The following NRG3 variants were observed in gnomAD, a reference collection of about 807,000 sequenced individuals.
NRG3 encodes the protein neuregulin 3.
In NRG3, 31 loss-of-function variants were observed where a neutral mutation model predicts 66.9. The ratio of observed to expected loss-of-function variants is 0.46; its 90% CI spans 0.35 to 0.63. NRG3 has a LOEUF of 0.63. Ranked by LOEUF, NRG3 falls within the 20% of genes least tolerant of loss-of-function variation. The pLI is 0.00. For missense variants in NRG3, 910 were observed against 878.9 expected, an observed-to-expected ratio of 1.04 and a Z score of -0.45; for synonymous variants, 393 against 359.4, an observed-to-expected ratio of 1.09 and a Z score of -1.06.
chr10:82,637,960 G>A (rs2133787900), intron 2 of NRG3, among the ~76,000 whole-genome samples: 2 of 152,258 alleles, frequency 1.3e-5, no homozygotes, highest in Admixed American at 1.3e-4. Context: ...ACACACTAGA[G>A]TACTTAAGAG....
chr10:82,131,278 A>C (rs964139021), intron 1 of NRG3, among the ~76,000 whole-genome samples: 1 of 152,138 alleles, frequency 6.6e-6, no homozygotes, highest in Non-Finnish European at 1.5e-5. Context: ...CAGTTTTCCC[A>C]GCACTATTTA....
At chr10:82,137,340 A>G (rs1246826536) in intron 1 of NRG3, among the ~76,000 whole-genome samples, 1 of 152,192 alleles carries the variant, frequency 6.6e-6, no homozygotes, top group East Asian at 1.9e-4. Flanking sequence ...ATTCATGCTA[A>G]GCCGAAGTGC....
chr10:82,676,524 C>G (rs2053696294), intron 2 of NRG3, among the ~76,000 whole-genome samples: 1 of 151,986 alleles, frequency 6.6e-6, no homozygotes, highest in South Asian at 2.1e-4. Flanking sequence ...CACTCTGTCA[C>G]CCAGGCTGGA....
intron 1 of NRG3, among the ~76,000 whole-genome samples, chr10:82,164,333 G>C (rs947607612): frequency 2.0e-5 from 3 of 152,040 alleles, no homozygotes; most frequent in Admixed American, 2.0e-4. Flanking sequence ...TCATCACCTG[G>C]AGTATTTATC....
chr10:82,334,664 T>G (rs1201607823), intron 1 of NRG3, among the ~76,000 whole-genome samples: 2 of 152,210 alleles, frequency 1.3e-5, no homozygotes, highest in East Asian at 3.9e-4. Flanking sequence ...TGATACAGAC[T>G]TAATATGAGG....
chr10:82,336,991 GT>G (rs949955518), intron 1 of NRG3, among the ~76,000 whole-genome samples: 4 of 151,928 alleles, frequency 2.6e-5, no homozygotes, highest in Admixed American at 2.6e-4. Flanking sequence ...GTATGTGAGG[GT>G]TTTTCTTTTT....
intron 2 of NRG3, among the ~76,000 whole-genome samples, chr10:82,412,461 A>C (rs1025478853): frequency 2.0e-5 from 3 of 152,320 alleles, no homozygotes; most frequent in African/African-American, 7.2e-5. Context: ...TGATTAAAAA[A>C]AGGTAACAAT....
chr10:82,526,200 ATTAAC>A lies in NRG3; in HGVS notation c.953+167335_953+167339del, dbSNP rs561917440. On this transcript the variant is annotated intron_variant, in intron 2 of 8. Transcript: ENST00000372141. ...TCACTAAAGGAATATAAATAGGTAA[ATTAAC>A]TTCAGAAATTATGTCACAAAAATTG... 4.3e-3 allele frequency among the ~76,000 whole-genome samples: 652 copies of A among 152,058 alleles called. 2 individuals carry two copies. The highest frequency in any genetic ancestry group is 7.5e-3 in the Non-Finnish European group (509 of 67,828).
rs528098520 is a variant in NRG3 at position 82,869,769 on chromosome 10, G to A, written c.1054+4332G>A. ...ACTACAGGCACCCATCACCATGCCC[G>A]GCTAATTTTTCGTATTTTTAGTAGA... On this transcript the variant is annotated intron_variant, in intron 4 of 8. Coordinates refer to ENST00000372141, the MANE Select transcript of NRG3 (RefSeq NM_001010848.4). 9.2e-5 allele frequency among the ~76,000 whole-genome samples: 14 copies of A among 151,640 alleles called. No homozygotes were observed. In the South Asian group the frequency reaches 2.9e-3, roughly 32 times the overall value.
intron 1 of NRG3, among the ~76,000 whole-genome samples, chr10:82,170,673 T>A (rs1482600485): frequency 9.1e-6 from 1 of 109,964 alleles, no homozygotes; most frequent in African/African-American, 4.2e-5. Flanking sequence ...TATATATATA[T>A]ATATATATAT....
chr10:82,363,487 G>A (rs894253789), intron 2 of NRG3, among the ~76,000 whole-genome samples: 6 of 152,040 alleles, frequency 3.9e-5, no homozygotes, highest in African/African-American at 7.2e-5. Flanking sequence ...ACGGAGTCTC[G>A]CTCTGTCACC....
At chr10:82,920,313 T>A (rs952820859) in intron 4 of NRG3, among the ~76,000 whole-genome samples, 12 of 152,158 alleles carry the variant, frequency 7.9e-5, no homozygotes, top group Non-Finnish European at 1.6e-4. Flanking sequence ...TGGTAGTTGG[T>A]GGAAGCCAGA....
intron 3 of NRG3, among the ~76,000 whole-genome samples, chr10:82,848,194 AAAC>A (rs1385117094): frequency 6.6e-6 from 1 of 152,214 alleles, no homozygotes; most frequent in African/African-American, 2.4e-5. Context: ...ACAATGAATA[AAAC>A]AACACAAACA....
chr10:82,376,768 G>C (rs7089896), intron 2 of NRG3, among the ~76,000 whole-genome samples: 19,784 of 152,140 alleles, frequency 0.13, 1,567 homozygotes, highest in East Asian at 0.31. Context: ...ATGTTTACAA[G>C]CTTTCTGATC....
rs190598641 is a variant in NRG3 at position 81,945,730 on chromosome 10, A to C, written c.823+69567A>C. Among the ~76,000 whole-genome samples, 822 of 152,224 alleles carry C rather than the reference A, an allele frequency of 5.4e-3. 10 individuals carry two copies. Among genetic ancestry groups the C allele is most frequent in the African/African-American group, 0.019 (796 of 41,550 alleles). On this transcript the variant is annotated intron_variant, in intron 1 of 8. Transcript: ENST00000372141. ...ACCTCAGAATGTGACTTTATTTGGA[A>C]ATAGGGTCATTGCAAATGTAATTAG...
At chr10:82,086,581 A>G (rs764386106) in intron 1 of NRG3, among the ~76,000 whole-genome samples, 25 of 152,152 alleles carry the variant, frequency 1.6e-4, no homozygotes, top group Middle Eastern at 6.3e-3. Context: ...ATAATCCCTG[A>G]TTAACACAAT....
At chr10:82,241,246 A>G (rs2076997774) in intron 1 of NRG3, among the ~76,000 whole-genome samples, 1 of 152,150 alleles carries the variant, frequency 6.6e-6, no homozygotes, top group Non-Finnish European at 1.5e-5. Flanking sequence ...GTCATAATTG[A>G]GAGGGGAGCA....
rs528235801 is a variant in NRG3 at position 81,937,814 on chromosome 10, C to T, written c.823+61651C>T. 4.6e-5 allele frequency among the ~76,000 whole-genome samples: 7 copies of T among 152,134 alleles called. No individual in the cohort carries two copies. The East Asian group carries it at 5.8e-4, about 13-fold the overall frequency. On this transcript the variant is annotated intron_variant, in intron 1 of 8. Coordinates refer to ENST00000372141, the MANE Select transcript of NRG3 (RefSeq NM_001010848.4). ...TTTTGGTGTGATAGCCAAGAAATAT[C>T]GCCAAATCTAATGTTATAAAGCTTC... is the stretch of plus-strand genomic sequence containing the variant.
At chr10:82,152,321 C>T (rs982799420) in intron 1 of NRG3, among the ~76,000 whole-genome samples, 2 of 152,150 alleles carry the variant, frequency 1.3e-5, no homozygotes, top group African/African-American at 4.8e-5. Flanking sequence ...TTGTTGCTAA[C>T]TAATTTAATG....
Sources: allele counts gnomAD v4.1 joint callset (sites outside exome capture counted in the v4.1 genomes callset), GRCh38; gene constraint gnomAD v4.1.1; transcripts MANE v1.5; gene names NCBI Gene and HGNC (gene_info 2026-07-23, HGNC 2026-07-21).